The following CACNB4 variants were observed in gnomAD, a reference collection of about 807,000 sequenced individuals.
CACNB4 encodes voltage-dependent L-type calcium channel subunit beta-4.
A neutral mutation model predicts 71.2 loss-of-function variants in CACNB4; 32 were observed. That is an observed-to-expected ratio of 0.45 (90% CI 0.34 to 0.60). CACNB4 has a LOEUF of 0.60. Among genes scored for constraint, CACNB4 ranks in the 20% least tolerant of loss-of-function variants. The pLI, the probability that CACNB4 is intolerant of heterozygous loss-of-function variation, is 0.01. For missense variants in CACNB4, 464 were observed against 647.9 expected (o/e 0.72, Z 3.08); for synonymous variants, 231 against 236.9 (o/e 0.97, Z 0.23).
intron 8 of CACNB4, chr2:151,869,990 G>A: frequency 1.9e-6 from 1 of 532,720 alleles, no homozygotes; most frequent in East Asian, 3.1e-5. Flanking sequence ...TCTTTTCCTT[G>A]TCACATGGTT....
chr2:151,925,905 GA>G (rs1468279214), intron 2 of CACNB4, among the ~76,000 whole-genome samples: 1 of 152,168 alleles, frequency 6.6e-6, no homozygotes, highest in Non-Finnish European at 1.5e-5. Context: ...GCAACTAGAA[GA>G]ATCGACATAC....
At chr2:152,074,382 C>T (rs547868105) in intron 2 of CACNB4, among the ~76,000 whole-genome samples, 73 of 152,064 alleles carry the variant, frequency 4.8e-4, no homozygotes, top group Admixed American at 3.8e-3. Flanking sequence ...CCCTCCTCTC[C>T]GCCATCACCA....
intron 2 of CACNB4, among the ~76,000 whole-genome samples, chr2:151,894,472 C>T (rs1168770323): frequency 6.6e-6 from 1 of 152,128 alleles, no homozygotes; most frequent in Non-Finnish European, 1.5e-5. Flanking sequence ...AAACCCACAG[C>T]TAACATCATA....
intron 2 of CACNB4, among the ~76,000 whole-genome samples, chr2:152,020,912 TCAA>T (rs1683626433): frequency 6.6e-6 from 1 of 152,086 alleles, no homozygotes; most frequent in Non-Finnish European, 1.5e-5. Context: ...ATCCCCAAAA[TCAA>T]CGCTTAAAAT....
chr2:152,003,863 C>A (rs2151784454), intron 2 of CACNB4, among the ~76,000 whole-genome samples: 1 of 151,260 alleles, frequency 6.6e-6, no homozygotes, highest in African/African-American at 2.4e-5. Flanking sequence ...AAAAAAAAAC[C>A]AAACAAACAT....
At chr2:151,965,996 CTCAG>C (rs1385577454) in intron 2 of CACNB4, among the ~76,000 whole-genome samples, 3 of 152,216 alleles carry the variant, frequency 2.0e-5, no homozygotes, top group Admixed American at 6.5e-5. Context: ...TGATACCTTA[CTCAG>C]TATGTACAAA....
chr2:152,042,687 T>C (rs2680977), intron 2 of CACNB4, among the ~76,000 whole-genome samples: 853 of 24,284 alleles, frequency 0.035, 7 homozygotes, highest in African/African-American at 0.085. Context: ...TTGTTAATTT[T>C]ATTTATTTTA....
intron 2 of CACNB4, among the ~76,000 whole-genome samples, chr2:152,051,241 T>A (rs556370934): frequency 6.3e-4 from 96 of 152,336 alleles, no homozygotes; most frequent in Admixed American, 2.7e-3. Context: ...TTTGGCTTTT[T>A]ACTATCAACT....
intron 2 of CACNB4, among the ~76,000 whole-genome samples, chr2:151,907,929 TAAC>T (rs564511838): frequency 3.3e-5 from 5 of 152,194 alleles, no homozygotes; most frequent in Non-Finnish European, 5.9e-5. Flanking sequence ...ATTGCAAAGA[TAAC>T]AACCAGGAAT....
At chr2:151,957,927 A>C (rs1218391041) in intron 2 of CACNB4, among the ~76,000 whole-genome samples, 1 of 152,224 alleles carries the variant, frequency 6.6e-6, no homozygotes, top group African/African-American at 2.4e-5. Context: ...TTTAGGGAAA[A>C]AAATGGATTC....
chr2:151,866,977 T>C (rs1308047391), intron 9 of CACNB4: 3 of 152,260 alleles, frequency 2.0e-5, no homozygotes, highest in East Asian at 1.9e-4. Flanking sequence ...AAATCTCTGC[T>C]GTTACAATTA....
At chr2:151,994,189 C>T (rs1681902870) in intron 2 of CACNB4, among the ~76,000 whole-genome samples, 5 of 151,808 alleles carry the variant, frequency 3.3e-5, no homozygotes, top group South Asian at 4.2e-4. Flanking sequence ...AAAACACCAC[C>T]GAGGATTAAA....
intron 2 of CACNB4, among the ~76,000 whole-genome samples, chr2:152,064,222 CG>C (rs1686174489): frequency 6.6e-6 from 1 of 152,174 alleles, no homozygotes; most frequent in African/African-American, 2.4e-5. Context: ...ACATCTGAAT[CG>C]GATGTCTCCC....
chr2:152,010,790 A>T (rs953086367), intron 2 of CACNB4, among the ~76,000 whole-genome samples: 63 of 152,154 alleles, frequency 4.1e-4, no homozygotes, highest in African/African-American at 1.5e-3. Flanking sequence ...GGCGTTTGGC[A>T]CTGGGGTCCT....
intron 2 of CACNB4, among the ~76,000 whole-genome samples, chr2:152,028,294 C>A (rs1170706657): frequency 6.6e-6 from 1 of 152,186 alleles, no homozygotes; most frequent in Non-Finnish European, 1.5e-5. Context: ...GGAAAAGCTG[C>A]ACTACAAAAT....
Position 151,873,934 on chromosome 2 carries a change from T to C in CACNB4, c.522-1441A>G, listed in dbSNP as rs193271931. The C allele has an allele frequency of 5.3e-5, 8 of 152,302 alleles. No individual in the cohort carries two copies. The East Asian group carries it at 9.7e-4, about 18-fold the overall frequency. The allele number at this position is 152,302 out of a possible 1,614,324, so 9.4% of individuals were successfully genotyped here. A position where few individuals can be genotyped will look rare whatever the true frequency, so the allele number is the denominator to read the frequency against. On this transcript the variant is annotated intron_variant, in intron 5 of 13. Coordinates refer to ENST00000539935, the MANE Select transcript of CACNB4 (RefSeq NM_000726.5). ...CATGAATGGTTTGGCACCATCTCCT[T>C]GTGCTGTTCCTGTGACAATGAGTGA...
intron 2 of CACNB4, chr2:151,971,468 A>T (rs2099872534): frequency 5.7e-6 from 4 of 702,258 alleles, no homozygotes; most frequent in Non-Finnish European, 7.8e-6. Flanking sequence ...TAGCCATCTG[A>T]GAAAAGCCTT....
chr2:152,084,703 A>C (rs1030191692), intron 2 of CACNB4, among the ~76,000 whole-genome samples: 3 of 151,964 alleles, frequency 2.0e-5, no homozygotes, highest in Non-Finnish European at 4.4e-5. Flanking sequence ...TCAACCTCCT[A>C]GGCTCAAGCA....
chr2:151,883,443 G>A (rs944594634), intron 2 of CACNB4, 73 bp from the exon 3 acceptor site: 3 of 1,517,118 alleles, frequency 2.0e-6, no homozygotes, highest in East Asian at 2.3e-5. Context: ...CAGTATCCTG[G>A]GGCGAGTTCT....
Sources: gnomAD v4.1 joint callset for allele counts (sites outside exome capture counted in the v4.1 genomes callset) on GRCh38, gnomAD v4.1.1 for gene constraint, MANE v1.5 for transcripts, NCBI Gene and HGNC (gene_info 2026-07-23, HGNC 2026-07-21) for gene names.